The following SGCZ variants were observed in gnomAD, a reference collection of about 807,000 sequenced individuals.
SGCZ encodes the protein zeta-sarcoglycan.
Under a neutral mutation model 41.3 loss-of-function variants are expected in SGCZ, and 40 were observed. The ratio of observed to expected loss-of-function variants is 0.97; its 90% CI spans 0.75 to 1.26. The LOEUF is 1.26. SGCZ is among the 50% of genes most tolerant of loss of function. The pLI is 0.00. For synonymous variants in SGCZ, 206 were observed against 137.5 expected (o/e 1.50, Z -3.49); for missense variants, 552 against 369.8 (o/e 1.49, Z -4.04).
intron 1 of SGCZ, among the ~76,000 whole-genome samples, chr8:14,626,706 A>C (rs1806467749): frequency 6.6e-6 from 1 of 152,140 alleles, no homozygotes; most frequent in African/African-American, 2.4e-5. Context: ...AAGCCAAAAA[A>C]TCAGAAAAAT....
chr8:14,203,203 C>A (rs1421262257), intron 4 of SGCZ, among the ~76,000 whole-genome samples: 1 of 152,132 alleles, frequency 6.6e-6, no homozygotes, highest in Non-Finnish European at 1.5e-5. Flanking sequence ...CAGACTAATA[C>A]AGATATATTT....
chr8:14,474,088 G>C (rs1414094686), intron 2 of SGCZ, among the ~76,000 whole-genome samples: 1 of 152,142 alleles, frequency 6.6e-6, no homozygotes, highest in African/African-American at 2.4e-5. Flanking sequence ...CTTGTCAACA[G>C]AAATAGAATC....
At chr8:14,097,671 T>G (rs904894717) in intron 7 of SGCZ, among the ~76,000 whole-genome samples, 1 of 152,290 alleles carries the variant, frequency 6.6e-6, no homozygotes, top group East Asian at 1.9e-4. Context: ...TTGATCTGAC[T>G]AATATTGACA....
intron 1 of SGCZ, among the ~76,000 whole-genome samples, chr8:15,005,803 T>A (rs979332803): frequency 6.6e-6 from 1 of 152,196 alleles, no homozygotes; most frequent in Non-Finnish European, 1.5e-5. Flanking sequence ...CTGACACCAG[T>A]CTCCTAAAAT....
At chr8:15,123,224 T>C (rs2116955692) in intron 1 of SGCZ, among the ~76,000 whole-genome samples, 1 of 152,306 alleles carries the variant, frequency 6.6e-6, no homozygotes, top group East Asian at 1.9e-4. Flanking sequence ...GGAGCATGCT[T>C]CAAAATAAAA....
Position 14,444,944 on chromosome 8 carries a change from C to T in SGCZ, c.234+109788G>A, listed in dbSNP as rs147929364. On this transcript the variant is annotated intron_variant, in intron 2 of 7. Transcript: ENST00000382080. ...AACCTGCTCTGAAAAAAATTTCCTT[C>T]TGGCCTCTTTGTTACTCAAATTTGG... 1.3e-4 allele frequency among the ~76,000 whole-genome samples: 20 copies of T among 152,288 alleles called. 1 individual carries two copies. The highest frequency in any genetic ancestry group is 2.5e-4 in the Non-Finnish European group (17 of 68,014).
chr8:14,923,324 G>T (rs996370130), intron 1 of SGCZ, among the ~76,000 whole-genome samples: 1 of 152,092 alleles, frequency 6.6e-6, no homozygotes, highest in South Asian at 2.1e-4. Context: ...TCCATTGAGT[G>T]CATGTATTTC....
At chr8:14,701,858 T>C (rs1373118413) in intron 1 of SGCZ, among the ~76,000 whole-genome samples, 2 of 151,966 alleles carry the variant, frequency 1.3e-5, no homozygotes, top group African/African-American at 4.8e-5. Context: ...TTTTTCTCTC[T>C]TTTCTTGATC....
chr8:14,710,721 C>T (rs1203034029), intron 1 of SGCZ, among the ~76,000 whole-genome samples: 3 of 151,996 alleles, frequency 2.0e-5, no homozygotes, highest in African/African-American at 7.2e-5. Context: ...TTTAAAATAA[C>T]CTACTTTTAT....
intron 1 of SGCZ, among the ~76,000 whole-genome samples, chr8:15,041,563 A>G (rs1804097509): frequency 6.6e-6 from 1 of 152,118 alleles, no homozygotes; most frequent in African/African-American, 2.4e-5. Flanking sequence ...TAATCAAACA[A>G]TCATGAGAAG....
At chr8:14,673,446 G>GTCTC (rs752976355) in intron 1 of SGCZ, among the ~76,000 whole-genome samples, 5 of 148,498 alleles carry the variant, frequency 3.4e-5, no homozygotes, top group African/African-American at 7.4e-5. Context: ...CGCTCGCGCT[G>GTCTC]TCTCTCTCTC....
chr8:14,925,399 A>T (rs1333444671), intron 1 of SGCZ, among the ~76,000 whole-genome samples: 3 of 152,204 alleles, frequency 2.0e-5, no homozygotes, highest in African/African-American at 7.2e-5. Context: ...AGGAAAGGAC[A>T]ATTGCATGCT....
intron 3 of SGCZ, among the ~76,000 whole-genome samples, chr8:14,267,185 T>C (rs1165744830): frequency 6.6e-6 from 1 of 152,074 alleles, no homozygotes; most frequent in Non-Finnish European, 1.5e-5. Flanking sequence ...CATTATGGAT[T>C]AAGTAATATC....
chr8:15,203,315 C>T (rs1177734439), intron 1 of SGCZ, among the ~76,000 whole-genome samples: 1 of 152,078 alleles, frequency 6.6e-6, no homozygotes, highest in Non-Finnish European at 1.5e-5. Context: ...CTCTATTTCT[C>T]CTGGGATAAC....
intron 3 of SGCZ, among the ~76,000 whole-genome samples, chr8:14,271,997 C>G (rs749940849): frequency 6.6e-6 from 1 of 151,938 alleles, no homozygotes; most frequent in Non-Finnish European, 1.5e-5. Flanking sequence ...ATTCACTTAC[C>G]AATGCCCTAA....
rs143166672 is a variant in SGCZ at position 14,665,481 on chromosome 8, G to A, written c.40-110555C>T. On this transcript the variant is annotated intron_variant, in intron 1 of 7. Transcript: ENST00000382080. ...AGTGCTGCAGTAAACATACGTGTGCGTGTCTTTATAGCAGCATGTTTTATA... is the reference window on the plus strand; with the variant it reads ...AGTGCTGCAGTAAACATACGTGTGCATGTCTTTATAGCAGCATGTTTTATA... Among the ~76,000 whole-genome samples, 70 of 152,236 alleles carry A rather than the reference G, an allele frequency of 4.6e-4. No individual in the cohort carries two copies. The East Asian group carries it at 8.7e-3, about 19-fold the overall frequency.
chr8:14,908,983 T>G (rs1422981831), intron 1 of SGCZ, among the ~76,000 whole-genome samples: 1 of 152,182 alleles, frequency 6.6e-6, no homozygotes, highest in Non-Finnish European at 1.5e-5. Flanking sequence ...ATGTCATTAT[T>G]TCTCTCCTAA....
At chr8:15,188,009 A>T (rs1322075631) in intron 1 of SGCZ, among the ~76,000 whole-genome samples, 2 of 152,070 alleles carry the variant, frequency 1.3e-5, no homozygotes, top group African/African-American at 4.8e-5. Flanking sequence ...TTATTGAAAC[A>T]TATATGTAAC....
chr8:15,109,032 T>C (rs1351780864), intron 1 of SGCZ, among the ~76,000 whole-genome samples: 1 of 152,288 alleles, frequency 6.6e-6, no homozygotes, highest in African/African-American at 2.4e-5. Flanking sequence ...TACAGTAATT[T>C]TTAACAAGAA....
Sources: gnomAD v4.1 joint callset for allele counts (sites outside exome capture counted in the v4.1 genomes callset) on GRCh38, gnomAD v4.1.1 for gene constraint, MANE v1.5 for transcripts, NCBI Gene and HGNC (gene_info 2026-07-23, HGNC 2026-07-21) for gene names.